EDRF1: variants seen among roughly 807,000 people sequenced by gnomAD.
EDRF1 encodes erythroid differentiation regulatory factor 1, also known as erythroid differentiation-related factor 1.
EDRF1 carries 69 observed loss-of-function variants against 148.7 expected under a neutral mutation model. That is an observed-to-expected ratio of 0.46 (90% CI 0.38 to 0.57). The LOEUF (loss-of-function observed/expected upper bound fraction) is 0.57. Among genes scored for constraint, EDRF1 ranks in the 20% least tolerant of loss-of-function variants. The pLI is 0.00. For synonymous variants in EDRF1, 515 were observed against 532.8 expected (o/e 0.97, Z 0.46); for missense variants, 1,118 against 1,478.7 (o/e 0.76, Z 4.00).
chr10:125,753,936 C>T, intron 24 of EDRF1, 91 bp downstream of exon 24: 1 of 1,412,680 alleles, frequency 7.1e-7, no homozygotes, highest in Non-Finnish European at 9.9e-7. Flanking sequence ...AAACTAGGGG[C>T]CAGGCACATT....
chr10:125,745,306 T>G (rs1849291981), intron 18 of EDRF1: 1 of 217,648 alleles, frequency 4.6e-6, no homozygotes, highest in Admixed American at 5.2e-5. Context: ...TGTTTCTACC[T>G]TGGCTTGCAG....
At chr10:125,733,839 T>G in intron 11 of EDRF1, 96 bp downstream of exon 11, 1 of 1,210,608 alleles carries the variant, frequency 8.3e-7, no homozygotes, top group Non-Finnish European at 1.2e-6. Flanking sequence ...TTTAAATGCT[T>G]TTAGGTTTTC....
intron 22 of EDRF1, 112 bp downstream of exon 22, chr10:125,749,677 C>A: frequency 7.5e-7 from 1 of 1,325,816 alleles, no homozygotes; most frequent in East Asian, 2.4e-5. Flanking sequence ...TTTAATTTGC[C>A]CCATAGTTAA....
intron 19 of EDRF1, chr10:125,747,228 GAAAAA>G (rs534999385): frequency 3.9e-6 from 1 of 259,072 alleles, no homozygotes; most frequent in Non-Finnish European, 7.2e-6. Flanking sequence ...CATTTAGAAA[GAAAAA>G]AAAAAACAAA....
chr10:125,754,595 G>A (rs1036596376), intron 24 of EDRF1, among the ~76,000 whole-genome samples: 1 of 152,158 alleles, frequency 6.6e-6, no homozygotes, highest in Admixed American at 6.5e-5. Flanking sequence ...GCACACCTCC[G>A]CAGAAATGTT....
At chr10:125,738,536 T>C in intron 15 of EDRF1, 91 bp downstream of exon 15, 4 of 1,444,052 alleles carry the variant, frequency 2.8e-6, no homozygotes, top group Non-Finnish European at 1.9e-6. Flanking sequence ...AAGGCATTAA[T>C]TGAAAGGCAT....
chr10:125,756,255 T>G (rs1333177530), intron 24 of EDRF1, among the ~76,000 whole-genome samples: 1 of 152,228 alleles, frequency 6.6e-6, no homozygotes, highest in Non-Finnish European at 1.5e-5. Context: ...TTAGCTATCT[T>G]TTGATATTGC....
Position 125,719,757 on chromosome 10 carries a change from T to C in EDRF1, c.-51T>C, listed in dbSNP as rs771779222. On this transcript the variant is annotated 5_prime_UTR_variant, in exon 1 of 25. Transcript: ENST00000356792. ...TTACCCTGCTTTGGGCCTGCGTTGC[T>C]GCTGCTGCTCCTCCGCTCCCCCGTC... 4.7e-6 allele frequency: 7 copies of C among 1,490,314 alleles called. No homozygotes were observed. In the African/African-American group the frequency reaches 9.7e-5, roughly 21 times the overall value. 92.3% of individuals were successfully genotyped at this position (1,490,314 alleles called of 1,614,324 possible).
chr10:125,746,080 C>A, intron 19 of EDRF1, 150 bp downstream of exon 19: 1 of 720,832 alleles, frequency 1.4e-6, no homozygotes, highest in South Asian at 1.6e-5. Flanking sequence ...CACTTGCAAC[C>A]TGGCCTAAGA....
chr10:125,737,540 T>C (rs762805286), intron 13 of EDRF1, among the ~76,000 whole-genome samples: 5 of 152,234 alleles, frequency 3.3e-5, no homozygotes, highest in Non-Finnish European at 5.9e-5. Context: ...TCCTTCATAG[T>C]TGGAGGTTGC....
intron 15 of EDRF1, among the ~76,000 whole-genome samples, chr10:125,739,640 C>T (rs1848913584): frequency 6.6e-6 from 1 of 152,200 alleles, no homozygotes; most frequent in African/African-American, 2.4e-5. Flanking sequence ...ATAATGAAGA[C>T]TAAGTACCTT....
At chr10:125,721,596 A>G (rs1402073575) in intron 2 of EDRF1, among the ~76,000 whole-genome samples, 184 bp downstream of exon 2, 3 of 152,254 alleles carry the variant, frequency 2.0e-5, no homozygotes, top group Non-Finnish European at 4.4e-5. Flanking sequence ...GAAGATATAC[A>G]TACAATATCA....
chr10:125,749,542 C>G lies in EDRF1; in HGVS notation c.3254C>G (p.Ala1085Gly). 6.2e-7 allele frequency: 1 copy of G among 1,614,126 alleles called. No individual in the cohort carries two copies. ...CTTAGAGTACAGCTAGAGAGAGTAG[C>G]ATTTGCTGAATTTCAGATGACCAGT... ...ELLRVQLERV[A>G]FAEFQMTSQN... The change falls in exon 22 of 25, where the codon GCA (alanine) becomes GGA (glycine). Residue 1085 changes from alanine to glycine, a missense_variant. Physicochemically the swap from Ala to Gly is moderately conservative, Grantham distance 60. This residue lies in a region of EDRF1 where 954 missense variants were observed against 1,241.4 expected (regional missense o/e 0.77). Coordinates refer to ENST00000356792, the MANE Select transcript of EDRF1 (RefSeq NM_001202438.2).
intron 13 of EDRF1, among the ~76,000 whole-genome samples, chr10:125,737,024 T>C (rs1263499349): frequency 6.6e-6 from 1 of 152,140 alleles, no homozygotes; most frequent in Non-Finnish European, 1.5e-5. Flanking sequence ...TCAGTAAATA[T>C]TTGACTAAAT....
chr10:125,728,980 C>T lies in EDRF1; in HGVS notation c.793-23C>T, dbSNP rs774040377. 48 of 1,543,432 alleles carry T rather than the reference C, an allele frequency of 3.1e-5. No individual in the cohort carries two copies. In the South Asian group the frequency reaches 5.7e-4, roughly 18 times the overall value. Reference sequence around the variant, plus strand: ...AAGAAATGTTGACAGCAGAATCACTCCTTATCCTTGCACTTTTCACAGGGA... The same window carrying T: ...AAGAAATGTTGACAGCAGAATCACTTCTTATCCTTGCACTTTTCACAGGGA... On this transcript the variant is annotated intron_variant, in intron 6 of 24. Transcript: ENST00000356792.
intron 19 of EDRF1, 121 bp downstream of exon 19, chr10:125,746,051 AC>A: frequency 1.2e-6 from 1 of 860,346 alleles, no homozygotes; most frequent in Non-Finnish European, 1.9e-6. Flanking sequence ...ATGATACAAC[AC>A]CAGACAGATC....
At chr10:125,745,606 A>C in intron 18 of EDRF1, 101 bp from the exon 19 acceptor site, 16 of 1,247,398 alleles carry the variant, frequency 1.3e-5, no homozygotes, top group Non-Finnish European at 1.8e-5. Flanking sequence ...TCGCCACCAC[A>C]CTCCTGTCAC....
chr10:125,736,481 C>G (rs530220826), intron 13 of EDRF1, among the ~76,000 whole-genome samples: 2 of 152,052 alleles, frequency 1.3e-5, no homozygotes, highest in Non-Finnish European at 2.9e-5. Context: ...TTCAACATAC[C>G]GTCTCCCTAT....
chr10:125,763,413 G>A lies in EDRF1; in HGVS notation c.3658G>A (p.Val1220Ile), dbSNP rs200399423. Residue 1220 changes from valine to isoleucine, a missense_variant, in exon 25 of 25, where the codon GTC becomes ATC. Val to Ile is a conservative substitution (Grantham distance 29). This residue lies in a region of EDRF1 where 954 missense variants were observed against 1,241.4 expected (regional missense o/e 0.77). Coordinates refer to ENST00000356792, the MANE Select transcript of EDRF1 (RefSeq NM_001202438.2). This position sits in a 1 kb window ranked among gnomAD's most constrained non-coding sequence, Gnocchi z 4.3. ...TCTTCTGGAAAGAATCAACGTTATC[G>A]TCCACCTGCTGGGCCAGCTTGCCGC... is the stretch of plus-strand genomic sequence containing the variant. ...ATLLERINVI[V>I]HLLGQLAAGS... 45 of 1,611,788 alleles carry A rather than the reference G, an allele frequency of 2.8e-5. No homozygotes were observed. The Admixed American group carries it at 5.2e-4, about 19-fold the overall frequency.
Sources: gnomAD v4.1 joint callset for allele counts (sites outside exome capture counted in the v4.1 genomes callset) on GRCh38, gnomAD v4.1.1 for gene constraint, gnomAD v4.1.1 regional missense constraint, Gnocchi (gnomAD v3.1) non-coding constraint, MANE v1.5 for transcripts, NCBI Gene and HGNC (gene_info 2026-07-23, HGNC 2026-07-21) for gene names.